Variants in POLRMT observed in about 807,000 individuals in gnomAD.
POLRMT encodes RNA polymerase mitochondrial.
POLRMT carries 114 observed loss-of-function variants against 132.2 expected under a neutral mutation model. The observed-to-expected ratio is 0.86, with a 90% CI of 0.74 to 1.01. POLRMT has a LOEUF of 1.01. Among genes scored for constraint, POLRMT ranks in the 50% least tolerant of loss-of-function variants. The pLI is 0.00. For synonymous variants in POLRMT, 1,020 were observed against 773.4 expected, an observed-to-expected ratio of 1.32 and a Z score of -5.29; for missense variants, 2,003 against 1,729.1, an observed-to-expected ratio of 1.16 and a Z score of -2.81.
intron 2 of POLRMT, among the ~76,000 whole-genome samples, chr19:632,066 C>T (rs1475655461): frequency 1.3e-5 from 2 of 149,240 alleles, no homozygotes; most frequent in African/African-American, 4.9e-5. Flanking sequence ...AGCCACCGCA[C>T]CAGGCCTCGG....
intron 9 of POLRMT, 111 bp downstream of exon 9, chr19:622,038 G>A (rs981698732): frequency 1.3e-5 from 16 of 1,188,138 alleles, no homozygotes; most frequent in Non-Finnish European, 1.7e-5. Flanking sequence ...AGTCCTGGGA[G>A]GTACTGACGG....
At position 617,305 on chromosome 19, in the gene POLRMT, T is replaced by C. The variant is rs754279298; in HGVS notation, c.3662A>G (p.Gln1221Arg). 3.7e-6 allele frequency: 6 copies of C among 1,612,786 alleles called. No homozygotes were observed. Among genetic ancestry groups the C allele is most frequent in the Non-Finnish European group, 5.1e-6 (6 of 1,179,896 alleles). The change falls in exon 21 of 21, where the codon CAG (glutamine) becomes CGG (arginine). Residue 1221 changes from glutamine (Q) to arginine (R), a missense_variant. Gln to Arg is a conservative substitution (Grantham distance 43, BLOSUM62 1). Transcript: ENST00000588649. ...GAAGAAGTAGGTGGAACGCTTCACC[T>C]GCTCCAGGTCGAAGGCCCCTGCGGA... ...VPKPGAFDLE[Q>R]VKRSTYFFS is the part of the protein sequence containing the mutation.
intron 2 of POLRMT, among the ~76,000 whole-genome samples, chr19:631,624 T>G (rs9973296): frequency 0.047 from 7,204 of 151,716 alleles, 362 homozygotes; most frequent in East Asian, 0.22. Flanking sequence ...AGCAACAGAT[T>G]GAGAATCCGT....
intron 3 of POLRMT, among the ~76,000 whole-genome samples, chr19:626,846 A>C (rs1164318570): frequency 6.6e-6 from 1 of 150,542 alleles, no homozygotes; most frequent in African/African-American, 2.5e-5. Context: ...GGAGACAGAA[A>C]CTTTGCTGTC....
Position 621,194 on chromosome 19 carries a change from G to A in POLRMT, c.2504C>T (p.Pro835Leu), listed in dbSNP as rs574836418. 93 of 1,610,472 alleles carry A rather than the reference G, an allele frequency of 5.8e-5. No homozygotes were observed. Among genetic ancestry groups the A allele is most frequent in the Non-Finnish European group, 7.6e-5 (89 of 1,178,502 alleles). The change falls in exon 10 of 21, where the codon CCG becomes CTG. Residue 835 changes from proline to leucine, a missense_variant. Pro to Leu is a moderately conservative substitution (Grantham distance 98). Transcript: ENST00000588649. ...LEFAQGRPLG[P>L]HGLDWLKIHL... ...GATCTTGAGCCAATCCAGGCCGTGCGGGCCGAGCGGGCGGCCCTGGGCGAA... is the reference window on the plus strand; with the variant it reads ...GATCTTGAGCCAATCCAGGCCGTGCAGGCCGAGCGGGCGGCCCTGGGCGAA...
In POLRMT at chr19:619,607, C is replaced by G. The variant is rs763892140; in HGVS notation, c.3045G>C (p.Arg1015=). The change falls in exon 13 of 21, where the codon CGG becomes CGC. Residue 1015 remains arginine (R), a synonymous_variant. Coordinates refer to ENST00000588649, the MANE Select transcript of POLRMT (RefSeq NM_005035.4). ...GCACCTGGGGAAAGTCGCTCAGCTCCCGGAGGCGCTTCTCAATCTGCAGGC... is the reference window on the plus strand; with the variant it reads ...GCACCTGGGGAAAGTCGCTCAGCTCGCGGAGGCGCTTCTCAATCTGCAGGC... ...GGRLQIEKRL[R]ELSDFPQEFV... is the part of the protein sequence containing the mutation. The G allele has an allele frequency of 1.9e-6, 3 of 1,611,178 alleles. No individual in the cohort carries two copies. Among genetic ancestry groups the G allele is most frequent in the South Asian group, 1.1e-5 (1 of 91,020 alleles).
intron 11 of POLRMT, 120 bp downstream of exon 11, chr19:620,245 C>A: frequency 1.4e-6 from 2 of 1,455,188 alleles, no homozygotes; most frequent in Non-Finnish European, 1.8e-6. Flanking sequence ...ATGGCTCCCG[C>A]ACACTCTAGG....
chr19:621,805 C>T lies in POLRMT; in HGVS notation c.1893G>A (p.Leu631=). ...LKPHPAYVQL[L]EKAAEPTLTF... is the part of the protein sequence containing the mutation. ...TCAGCGTGGGCTCCGCGGCCTTCTC[C>T]AGCAGCTGCACGTAGGCCGGGTGCG... Residue 631 remains leucine, a synonymous_variant, in exon 10 of 21, where the codon CTG becomes CTA. Transcript: ENST00000588649. 6.2e-7 allele frequency: 1 copy of T among 1,602,572 alleles called. No individual in the cohort carries two copies. Among genetic ancestry groups the T allele is most frequent in the South Asian group, 1.1e-5 (1 of 91,080 alleles).
chr19:628,634 G>GGA (rs201191021), intron 3 of POLRMT, among the ~76,000 whole-genome samples: 4 of 149,206 alleles, frequency 2.7e-5, no homozygotes, highest in African/African-American at 9.7e-5. Context: ...AGGATCATGG[G>GGA]GGGGGAGAAA....
chr19:623,661 G>C, intron 5 of POLRMT, 58 bp from the exon 6 acceptor site: 2 of 1,586,892 alleles, frequency 1.3e-6, no homozygotes. Flanking sequence ...TGCCCTCCCA[G>C]GACCCCGAGA....
At chr19:627,896 G>C (rs983035703) in intron 3 of POLRMT, among the ~76,000 whole-genome samples, 8 of 141,176 alleles carry the variant, frequency 5.7e-5, no homozygotes, top group Admixed American at 1.5e-4. Flanking sequence ...CTGCACCCTA[G>C]CCTGGGCAAC....
At chr19:627,398 C>G (rs3787001) in intron 3 of POLRMT, among the ~76,000 whole-genome samples, 13,966 of 151,296 alleles carry the variant, frequency 0.092, 884 homozygotes, top group East Asian at 0.25. Context: ...GTGATCCGCC[C>G]GCCTCAGCCT....
intron 3 of POLRMT, 101 bp downstream of exon 3, chr19:629,439 A>G: frequency 4.3e-6 from 5 of 1,166,174 alleles, no homozygotes; most frequent in Non-Finnish European, 5.7e-6. Flanking sequence ...AAAACAAAGG[A>G]CTTGAACCTG....
In POLRMT at chr19:620,021, G is replaced by A. The variant is rs369479030; in HGVS notation, c.2823C>T (p.Ala941=). The A allele has an allele frequency of 5.8e-3, 9,190 of 1,576,896 alleles. 44 individuals carry two copies. The highest frequency in any genetic ancestry group is 0.012 in the South Asian group (1,017 of 87,854). Residue 941 remains alanine, a synonymous_variant, in exon 12 of 21, where the codon GCC becomes GCT. Coordinates refer to ENST00000588649, the MANE Select transcript of POLRMT (RefSeq NM_005035.4). ...YAALGRDSVG[A]ASVNLEPSDV... is the part of the protein sequence containing the mutation. ...CCGAGGGCTCCAGGTTGACGGAGGC[G>A]GCGCCCACGCTGTCGCGGCCCAGAG... is the stretch of plus-strand genomic sequence containing the variant.
intron 3 of POLRMT, among the ~76,000 whole-genome samples, chr19:627,006 A>G (rs1159286391): frequency 1.3e-5 from 2 of 151,746 alleles, no homozygotes; most frequent in Admixed American, 6.6e-5. Flanking sequence ...GTGGCTGCTT[A>G]AGAGTGGCCT....
chr19:628,112 G>A (rs551578935), intron 3 of POLRMT, among the ~76,000 whole-genome samples: 2 of 152,224 alleles, frequency 1.3e-5, no homozygotes, highest in African/African-American at 4.8e-5. Flanking sequence ...ACCCCGGAAC[G>A]CTGGGAGAGG....
Position 617,797 on chromosome 19 carries a change from C to G in POLRMT, c.3475G>C (p.Asp1159His), listed in dbSNP as rs1046129304. The change falls in exon 18 of 21, where the codon GAT becomes CAT. Residue 1159 changes from aspartate to histidine, a missense_variant. Coordinates refer to ENST00000588649, the MANE Select transcript of POLRMT (RefSeq NM_005035.4). ...VHDCYWTHAA[D>H]VSVMNQVCRE... is the part of the protein sequence containing the mutation. ...GGCACCTGGTTCATGACGGAGACAT[C>G]AGCTGCGTGAGTCCAGTAACAGTCG... is the stretch of plus-strand genomic sequence containing the variant. 1 of 1,613,394 alleles carries G rather than the reference C, an allele frequency of 6.2e-7. No homozygotes were observed. Among genetic ancestry groups the G allele is most frequent in the South Asian group, 1.1e-5 (1 of 91,084 alleles).
At chr19:630,652 GGCCT>G (rs1985346195) in intron 2 of POLRMT, among the ~76,000 whole-genome samples, 1 of 152,020 alleles carries the variant, frequency 6.6e-6, no homozygotes, top group African/African-American at 2.4e-5. Context: ...GCTCAACCAT[GGCCT>G]GCAAGTTCGC....
At chr19:620,973 G>A (rs1280552013) in intron 10 of POLRMT, 85 bp downstream of exon 10, 1 of 772,850 alleles carries the variant, frequency 1.3e-6, no homozygotes. Flanking sequence ...CAGGGGGCGC[G>A]GGGGCGCCGG....
Sources: allele counts gnomAD v4.1 joint callset (sites outside exome capture counted in the v4.1 genomes callset), GRCh38; gene constraint gnomAD v4.1.1; transcripts MANE v1.5; gene names NCBI Gene and HGNC (gene_info 2026-07-23, HGNC 2026-07-21).